The following PRUNE2 variants were observed in gnomAD, a reference collection of about 807,000 sequenced individuals.
PRUNE2 encodes the protein prune homolog 2 with BCH domain.
Under a neutral mutation model 252.0 loss-of-function variants are expected in PRUNE2, and 164 were observed. That is an observed-to-expected ratio of 0.65 (90% CI 0.57 to 0.74). PRUNE2 has a LOEUF of 0.74. Ranked by LOEUF, PRUNE2 falls within the 30% of genes least tolerant of loss-of-function variation. The pLI is 0.00. For missense variants in PRUNE2, 3,495 were observed against 3,711.0 expected (o/e 0.94, Z 1.51); for synonymous variants, 1,292 against 1,350.2 (o/e 0.96, Z 0.94).
chr9:76,626,022 G>A (rs1299947364), intron 16 of PRUNE2, among the ~76,000 whole-genome samples: 3 of 152,114 alleles, frequency 2.0e-5, no homozygotes, highest in Admixed American at 2.0e-4. Context: ...TGAGTTCAAT[G>A]TTCATAAATC....
At chr9:76,833,607 T>C (rs2058786214) in intron 4 of PRUNE2, among the ~76,000 whole-genome samples, 1 of 151,242 alleles carries the variant, frequency 6.6e-6, no homozygotes, top group African/African-American at 2.4e-5. Flanking sequence ...CTACTTAAAA[T>C]ACAAAAAGTT....
intron 6 of PRUNE2, among the ~76,000 whole-genome samples, chr9:76,790,933 A>G (rs1478917193): frequency 6.6e-6 from 1 of 152,236 alleles, no homozygotes; most frequent in Non-Finnish European, 1.5e-5. Context: ...GAAGTCAAGA[A>G]AAGCACATTT....
intron 1 of PRUNE2, among the ~76,000 whole-genome samples, chr9:76,860,382 C>G (rs145080788): frequency 6.6e-6 from 1 of 152,172 alleles, no homozygotes; most frequent in African/African-American, 2.4e-5. Flanking sequence ...TTAGTATTTA[C>G]AAGTACAGTT....
Position 76,777,012 on chromosome 9 carries a change from T to G in PRUNE2, c.756+46620A>C, listed in dbSNP as rs143661609. Among the ~76,000 whole-genome samples the G allele has an allele frequency of 3.2e-3, 485 of 151,702 alleles. 1 individual carries two copies. Among genetic ancestry groups the G allele is most frequent in the South Asian group, 5.8e-3 (28 of 4,800 alleles). The stretch of plus-strand genomic sequence containing the variant: ...CACTCCTAAACTGTTCCTCTTGGGT[T>G]GGGTTCCCACATCTGCCACTGCACC... On this transcript the variant is annotated intron_variant, in intron 6 of 18. Transcript: ENST00000376718.
rs1564117835 is a variant in PRUNE2 at position 76,709,919 on chromosome 9, AG to A, written c.2354del (p.Pro785LeufsTer28). ...CAGCTGCTGGTTCACCATCATCTGT[AG>A]GATTTCCCCAGGGCTCGGGCATGGC... ...PTAMPEPWGN[P>X]TDDGEPAAVA... On this transcript the variant is annotated frameshift_variant, in exon 8 of 19. Coordinates refer to ENST00000376718, the MANE Select transcript of PRUNE2 (RefSeq NM_015225.3). LOFTEE classifies it high-confidence loss of function. The A allele has an allele frequency of 1.2e-6, 2 of 1,613,890 alleles. No homozygotes were observed. Among genetic ancestry groups the A allele is most frequent in the Non-Finnish European group, 8.5e-7 (1 of 1,179,840 alleles).
At chr9:76,690,792 A>T (rs678942) in intron 9 of PRUNE2, among the ~76,000 whole-genome samples, 105,176 of 151,590 alleles carry the variant, frequency 0.69, 37,362 homozygotes, top group East Asian at 0.94. Flanking sequence ...GGTGCTGCTG[A>T]CTTCCAATGA....
chr9:76,736,637 CTT>C (rs2049099857), intron 6 of PRUNE2: 1 of 152,208 alleles, frequency 6.6e-6, no homozygotes, highest in East Asian at 1.9e-4. Flanking sequence ...TCTGAGGTCT[CTT>C]TTATAAGGGC....
chr9:76,862,221 C>A (rs1457899323), intron 1 of PRUNE2: 1 of 152,250 alleles, frequency 6.6e-6, no homozygotes, highest in East Asian at 1.9e-4. Context: ...GAGTTCGAGA[C>A]CAGCCTGACC....
At chr9:76,786,625 C>T (rs1190489288) in intron 6 of PRUNE2, 2 of 152,236 alleles carry the variant, frequency 1.3e-5, no homozygotes, top group Admixed American at 1.3e-4. Context: ...TTGGACTTCC[C>T]CACAAGAATT....
intron 9 of PRUNE2, chr9:76,692,207 C>T (rs2044831694): frequency 1.4e-6 from 1 of 715,674 alleles, no homozygotes; most frequent in African/African-American, 1.7e-5. Context: ...TGATCTCTGG[C>T]ACATCTAAAT....
chr9:76,652,341 C>A, intron 11 of PRUNE2, 142 bp downstream of exon 11: 1 of 660,858 alleles, frequency 1.5e-6, no homozygotes, highest in East Asian at 2.5e-5. Flanking sequence ...AACTGTCAAT[C>A]ATGGCCACCT....
chr9:76,685,776 T>C (rs1284968370), intron 9 of PRUNE2, among the ~76,000 whole-genome samples: 1 of 152,212 alleles, frequency 6.6e-6, no homozygotes, highest in Non-Finnish European at 1.5e-5. Context: ...TACTTTGTTA[T>C]AGCAGCCCTA....
In PRUNE2 at chr9:76,665,580, G is replaced by A. The variant is rs148085719; in HGVS notation, c.8277-10078C>T. 7.6e-3 allele frequency among the ~76,000 whole-genome samples: 1,155 copies of A among 152,284 alleles called. 10 individuals are homozygous for A. The highest frequency in any genetic ancestry group is 0.012 in the Non-Finnish European group (783 of 68,014). On this transcript the variant is annotated intron_variant, in intron 9 of 18. Coordinates refer to ENST00000376718, the MANE Select transcript of PRUNE2 (RefSeq NM_015225.3). ...CTCTCCACACACACATGAATCTCCT[G>A]GGGGACAAGCACACCCAGTGCTTAG... is the stretch of plus-strand genomic sequence containing the variant.
At chr9:76,883,130 C>T (rs2061887808) in intron 1 of PRUNE2, among the ~76,000 whole-genome samples, 1 of 152,150 alleles carries the variant, frequency 6.6e-6, no homozygotes, top group African/African-American at 2.4e-5. Flanking sequence ...GCCATAGATC[C>T]CCTGTATTAT....
At chr9:76,793,770 G>A (rs556896467) in intron 6 of PRUNE2, among the ~76,000 whole-genome samples, 1 of 151,964 alleles carries the variant, frequency 6.6e-6, no homozygotes, top group Non-Finnish European at 1.5e-5. Flanking sequence ...AAAAAAAAAG[G>A]CTCAGAGAGG....
At chr9:76,693,370 G>A (rs1199889172) in intron 9 of PRUNE2, among the ~76,000 whole-genome samples, 1 of 150,946 alleles carries the variant, frequency 6.6e-6, no homozygotes, top group African/African-American at 2.4e-5. Context: ...TAACTCTAAT[G>A]GAATGGGAAA....
At chr9:76,630,130 T>G (rs530705979) in intron 15 of PRUNE2, among the ~76,000 whole-genome samples, 7 of 152,332 alleles carry the variant, frequency 4.6e-5, no homozygotes, top group African/African-American at 1.7e-4. Flanking sequence ...TGTTTGTCTC[T>G]GTTTACTTAT....
intron 16 of PRUNE2, among the ~76,000 whole-genome samples, chr9:76,628,645 G>A (rs570076854): frequency 1.3e-5 from 2 of 152,188 alleles, no homozygotes; most frequent in African/African-American, 4.8e-5. Flanking sequence ...TGGTAGTAAA[G>A]TTCAAGCTAA....
rs551630918 is a variant in PRUNE2 at position 76,854,215 on chromosome 9, C to A, written c.37-7G>T. On this transcript the variant is annotated splice_region_variant and splice_polypyrimidine_tract_variant and intron_variant, in intron 1 of 18. Transcript: ENST00000376718. ...CCAAGCGTTTGCTTCGATTCTGAAA[C>A]AAATTCAAAGGAAACATCACAATTT... The A allele has an allele frequency of 2.0e-6, 3 of 1,528,750 alleles. No individual in the cohort carries two copies. The highest frequency in any genetic ancestry group is 1.4e-5 in the African/African-American group (1 of 73,394). The allele number at this position is 1,528,750 out of a possible 1,614,324, so 94.7% of individuals were successfully genotyped here.
Sources: gnomAD v4.1 joint callset for allele counts (sites outside exome capture counted in the v4.1 genomes callset) on GRCh38, gnomAD v4.1.1 for gene constraint, MANE v1.5 for transcripts, NCBI Gene and HGNC (gene_info 2026-07-23, HGNC 2026-07-21) for gene names.